The following NR6A1 variants were observed in gnomAD, a reference collection of about 807,000 sequenced individuals.
NR6A1 encodes retinoic acid receptor-related testis-associated receptor.
In NR6A1, 7 loss-of-function variants were observed where a neutral mutation model predicts 59.1. That is an observed-to-expected ratio of 0.12 (90% confidence interval 0.07 to 0.22). The LOEUF (loss-of-function observed/expected upper bound fraction) is 0.22. NR6A1 is among the 10% of genes least tolerant of loss of function. The probability of loss-of-function intolerance (pLI) is 1.00; values close to 1 mark genes in which losing one functional copy is unlikely to be tolerated. For missense variants in NR6A1, 468 were observed against 611.6 expected (o/e 0.77, Z 2.48); for synonymous variants, 243 against 236.1 (o/e 1.03, Z -0.27).
chr9:124,738,725 C>T (rs1026203215), intron 1 of NR6A1, among the ~76,000 whole-genome samples: 7 of 151,998 alleles, frequency 4.6e-5, no homozygotes, highest in Non-Finnish European at 1.0e-4. Context: ...AAAAATTGGG[C>T]CGGGTGCAGC....
At chr9:124,548,597 T>G (rs1342796686) in intron 3 of NR6A1, among the ~76,000 whole-genome samples, 1 of 152,234 alleles carries the variant, frequency 6.6e-6, no homozygotes, top group East Asian at 1.9e-4. Flanking sequence ...GCTCAAATGT[T>G]ATCCCTCCTT....
intron 3 of NR6A1, among the ~76,000 whole-genome samples, chr9:124,547,708 T>G (rs1440043065): frequency 6.6e-6 from 1 of 152,176 alleles, no homozygotes; most frequent in Non-Finnish European, 1.5e-5. Flanking sequence ...CTGCATGTAT[T>G]CGTGAGGAAA....
chr9:124,680,086 A>ATG (rs772968326), intron 2 of NR6A1, among the ~76,000 whole-genome samples: 6 of 137,584 alleles, frequency 4.4e-5, no homozygotes, highest in African/African-American at 2.0e-4. Flanking sequence ...GTCTGTGTGT[A>ATG]TGTATGTGTG....
chr9:124,759,874 T>C (rs1441504032), intron 1 of NR6A1, among the ~76,000 whole-genome samples: 3 of 151,872 alleles, frequency 2.0e-5, no homozygotes, highest in Non-Finnish European at 4.4e-5. Context: ...ACCCTGTCTC[T>C]ACTAAAAATA....
At chr9:124,745,532 A>G (rs955527058) in intron 1 of NR6A1, among the ~76,000 whole-genome samples, 1 of 151,880 alleles carries the variant, frequency 6.6e-6, no homozygotes, top group Non-Finnish European at 1.5e-5. Flanking sequence ...TTAGCCGGGC[A>G]TGGTGGCGCA....
At chr9:124,676,665 C>T (rs1363353047) in intron 2 of NR6A1, among the ~76,000 whole-genome samples, 3 of 152,082 alleles carry the variant, frequency 2.0e-5, no homozygotes, top group Non-Finnish European at 2.9e-5. Flanking sequence ...AGTGATAATC[C>T]ATTTGTGGCA....
At chr9:124,545,950 T>C (rs1051120533) in intron 3 of NR6A1, among the ~76,000 whole-genome samples, 2 of 152,140 alleles carry the variant, frequency 1.3e-5, no homozygotes, top group Non-Finnish European at 2.9e-5. Context: ...ACCATGTCTC[T>C]ACTAAAAATT....
chr9:124,747,010 T>G (rs1427136089), intron 1 of NR6A1, among the ~76,000 whole-genome samples: 3 of 152,130 alleles, frequency 2.0e-5, no homozygotes, highest in African/African-American at 7.2e-5. Context: ...AGAAAAAAGT[T>G]AATGACAAAA....
At chr9:124,540,215 A>G in intron 4 of NR6A1, 28 bp from the exon 5 acceptor site, 1 of 1,606,022 alleles carries the variant, frequency 6.2e-7, no homozygotes, top group Non-Finnish European at 8.5e-7. Flanking sequence ...GACATGTTAG[A>G]TGGGTGCTCA....
rs562718040 is a variant in NR6A1, at chr9:124,581,054, C to G, written c.143-26484G>C. Among the ~76,000 whole-genome samples the G allele has an allele frequency of 7.2e-5, 11 of 151,984 alleles. No homozygotes were observed. The East Asian group carries it at 2.1e-3, about 29-fold the overall frequency. Reference sequence around the variant, plus strand: ...AAATGGTGCTGGAAGAACTGGCTAGCCATATGCAGAAAATTGAAATTGGAT... The same window carrying G: ...AAATGGTGCTGGAAGAACTGGCTAGGCATATGCAGAAAATTGAAATTGGAT... On this transcript the variant is annotated intron_variant, in intron 2 of 9. Transcript: ENST00000487099.
intron 3 of NR6A1, 32 bp downstream of exon 3, chr9:124,554,296 G>A (rs1341183304): frequency 6.2e-7 from 1 of 1,613,774 alleles, no homozygotes; most frequent in Admixed American, 1.7e-5. Context: ...TTGAATGAAG[G>A]ATGGGCCATC....
At chr9:124,658,690 A>G (rs1837332841) in intron 2 of NR6A1, 1 of 152,080 alleles carries the variant, frequency 6.6e-6, no homozygotes, top group South Asian at 2.1e-4. Context: ...CAAAGATCCA[A>G]CTGTAAAAAG....
chr9:124,589,526 T>A (rs1835046955), intron 2 of NR6A1, among the ~76,000 whole-genome samples: 1 of 152,254 alleles, frequency 6.6e-6, no homozygotes, highest in African/African-American at 2.4e-5. Context: ...CATACTCTTA[T>A]AATAATGACC....
At chr9:124,523,146 G>A (rs185587816) in intron 9 of NR6A1, among the ~76,000 whole-genome samples, 15 of 152,216 alleles carry the variant, frequency 9.9e-5, no homozygotes, top group African/African-American at 3.6e-4. Flanking sequence ...CTGACAGGTA[G>A]TCCAAAAAAC....
intron 2 of NR6A1, among the ~76,000 whole-genome samples, chr9:124,690,587 G>C (rs984343882): frequency 5.3e-5 from 8 of 152,036 alleles, no homozygotes; most frequent in South Asian, 2.1e-4. Flanking sequence ...CCAGGCTGGA[G>C]TGCAGTGGTG....
intron 2 of NR6A1, among the ~76,000 whole-genome samples, chr9:124,690,990 T>C (rs1247728941): frequency 6.6e-6 from 1 of 152,220 alleles, no homozygotes; most frequent in Non-Finnish European, 1.5e-5. Context: ...ATTTAAGGAA[T>C]AATATTTTGT....
intron 2 of NR6A1, among the ~76,000 whole-genome samples, chr9:124,564,137 T>TAAATAAAATAAATAAATAAA (rs2131409355): frequency 6.6e-6 from 1 of 152,262 alleles, no homozygotes; most frequent in East Asian, 1.9e-4. Flanking sequence ...CTATAAATAG[T>TAAATAAAATAAATAAATAAA]GCTTTAATTT....
intron 2 of NR6A1, among the ~76,000 whole-genome samples, chr9:124,569,108 A>G (rs935289723): frequency 6.6e-6 from 1 of 152,066 alleles, no homozygotes; most frequent in African/African-American, 2.4e-5. Context: ...GCAAGACTCC[A>G]TCTCAAAAAA....
Position 124,537,070 on chromosome 9 carries a change from A to ATT in NR6A1, c.825-940_825-939dup, listed in dbSNP as rs111541971. 1.8e-4 allele frequency among the ~76,000 whole-genome samples: 24 copies of ATT among 136,612 alleles called. 1 individual carries two copies. The highest frequency in any genetic ancestry group is 2.1e-4 in the East Asian group (1 of 4,766). The allele number at this position is 136,612 out of a possible 152,430, so 89.6% of individuals were successfully genotyped here. On this transcript the variant is annotated intron_variant, in intron 6 of 9. Coordinates refer to ENST00000487099, the MANE Select transcript of NR6A1 (RefSeq NM_033334.4). ...CTTTTCCTCACACTCCCACATCTAA[A>ATT]TTTTTTTTTTTTTTTTTTTTGAGAC... is the stretch of plus-strand genomic sequence containing the variant.
Sources: gnomAD v4.1 joint callset for allele counts (sites outside exome capture counted in the v4.1 genomes callset) on GRCh38, gnomAD v4.1.1 for gene constraint, MANE v1.5 for transcripts, NCBI Gene and HGNC (gene_info 2026-07-23, HGNC 2026-07-21) for gene names.